Variants in ASCC2 observed in about 807,000 individuals in gnomAD.
The protein encoded by ASCC2 is activating signal cointegrator 1 complex subunit 2.
Under a neutral mutation model 93.5 loss-of-function variants are expected in ASCC2, and 42 were observed. The ratio of observed to expected loss-of-function variants is 0.45; its 90% CI spans 0.35 to 0.58. ASCC2 has a LOEUF of 0.58. Among genes scored for constraint, ASCC2 ranks in the 20% least tolerant of loss-of-function variants. ASCC2 has a pLI of 0.00. For missense variants in ASCC2, 859 were observed against 977.6 expected (o/e 0.88, Z 1.62); for synonymous variants, 364 against 384.2 (o/e 0.95, Z 0.62).
rs1367905414 is a variant in ASCC2 at position 29,790,525 on chromosome 22, A to C, written c.2046T>G (p.Pro682=). 6.2e-7 allele frequency: 1 copy of C among 1,614,024 alleles called. No homozygotes were observed. Among genetic ancestry groups the C allele is most frequent in the Non-Finnish European group, 8.5e-7 (1 of 1,180,026 alleles). ...APKPDHFVQD[P]AVLREKAEAR... ...CTTCTGCCTTCTCTCTCAGCACTGC[A>C]GGGTCCTGAACAAAATGGTCGGGCT... Residue 682 remains proline (P), a synonymous_variant, in exon 19 of 20, where the codon CCT becomes CCG. Coordinates refer to ENST00000307790, the MANE Select transcript of ASCC2 (RefSeq NM_032204.5).
At chr22:29,826,773 T>G (rs1378185940) in intron 2 of ASCC2, among the ~76,000 whole-genome samples, 1 of 152,024 alleles carries the variant, frequency 6.6e-6, no homozygotes, top group Admixed American at 6.6e-5. Flanking sequence ...TGGGTGTCCT[T>G]GCAGACCTCT....
At chr22:29,818,772 A>G (rs994745542) in intron 5 of ASCC2, among the ~76,000 whole-genome samples, 2 of 151,746 alleles carry the variant, frequency 1.3e-5, no homozygotes, top group African/African-American at 2.4e-5. Flanking sequence ...GCCATCTTAC[A>G]CCCAATAGGT....
intron 15 of ASCC2, among the ~76,000 whole-genome samples, chr22:29,794,840 C>T (rs1048693189): frequency 7.9e-5 from 12 of 152,224 alleles, no homozygotes; most frequent in Non-Finnish European, 1.3e-4. Context: ...GCAAACTACG[C>T]TAACTCTGTT....
At position 29,792,457 on chromosome 22, in the gene ASCC2, G is replaced by GTCTTCCTCATCGTCGTCATCCTCC. The variant is rs1569358386; in HGVS notation, c.1974_1997dup (p.Glu658_Glu665dup). 1 of 1,613,910 alleles carries GTCTTCCTCATCGTCGTCATCCTCC rather than the reference G, an allele frequency of 6.2e-7. No homozygotes were observed. The highest frequency in any genetic ancestry group is 1.7e-5 in the Admixed American group (1 of 60,006). On this transcript the variant is annotated inframe_insertion, in exon 18 of 20. Coordinates refer to ENST00000307790, the MANE Select transcript of ASCC2 (RefSeq NM_032204.5). ...CCTTGGGAGCCTCCTCGTCAGCATC[G>GTCTTCCTCATCGTCGTCATCCTCC]TCTTCCTCATCGTCGTCATCCTCCT... is the stretch of plus-strand genomic sequence containing the variant.
At chr22:29,823,045 A>T (rs947902861) in intron 4 of ASCC2, among the ~76,000 whole-genome samples, 104 of 145,906 alleles carry the variant, frequency 7.1e-4, no homozygotes, top group African/African-American at 1.3e-3. Context: ...ATTTTTTTTT[A>T]AATTTTATTT....
chr22:29,798,791 G>T (rs757917592), intron 15 of ASCC2, among the ~76,000 whole-genome samples: 1 of 152,200 alleles, frequency 6.6e-6, no homozygotes, highest in Non-Finnish European at 1.5e-5. Flanking sequence ...GGGCAAGGCC[G>T]GGTATCCAGC....
intron 5 of ASCC2, among the ~76,000 whole-genome samples, chr22:29,820,336 G>A (rs1378733806): frequency 6.6e-6 from 1 of 151,848 alleles, no homozygotes; most frequent in Non-Finnish European, 1.5e-5. Flanking sequence ...CTAATTTTTT[G>A]TATTTTTAGT....
chr22:29,817,834 C>T (rs78106718), intron 5 of ASCC2, among the ~76,000 whole-genome samples: 47 of 152,244 alleles, frequency 3.1e-4, no homozygotes, highest in Non-Finnish European at 5.9e-4. Flanking sequence ...ATAGCAATGG[C>T]ATCCTTTGAA....
At position 29,832,291 on chromosome 22, in the gene ASCC2, G is replaced by A; in HGVS notation, c.35C>T (p.Thr12Ile). 6.2e-7 allele frequency: 1 copy of A among 1,614,088 alleles called. No homozygotes were observed. The highest frequency in any genetic ancestry group is 8.5e-7 in the Non-Finnish European group (1 of 1,179,988). The change falls in exon 2 of 20, where the codon ACC (threonine) becomes ATC (isoleucine). Residue 12 changes from threonine to isoleucine, a missense_variant. By Grantham distance (89) the Thr-to-Ile change is moderately conservative. Transcript: ENST00000307790. Reference sequence around the variant, plus strand: ...CTTTCCTGTCTTCGGGTCCTTGTGGGTGATCTGGAGTTGGTCCAGGGGCAG... The same window carrying A: ...CTTTCCTGTCTTCGGGTCCTTGTGGATGATCTGGAGTTGGTCCAGGGGCAG... ...PALPLDQLQI[T>I]HKDPKTGKLR... is the part of the protein sequence containing the mutation.
At chr22:29,806,670 C>A in intron 10 of ASCC2, 117 bp from the exon 11 acceptor site, 2 of 1,425,532 alleles carry the variant, frequency 1.4e-6, no homozygotes, top group Non-Finnish European at 2.0e-6. Context: ...AGGCATTTTT[C>A]TTGGTTTCTC....
intron 5 of ASCC2, among the ~76,000 whole-genome samples, chr22:29,819,247 G>A (rs909313085): frequency 4.6e-5 from 7 of 151,948 alleles, no homozygotes; most frequent in Admixed American, 1.3e-4. Flanking sequence ...TGCAACCTCC[G>A]CCTCCCAGGT....
chr22:29,806,395 G>T (rs1424507219), intron 11 of ASCC2, 90 bp downstream of exon 11: 2 of 1,565,994 alleles, frequency 1.3e-6, no homozygotes, highest in Non-Finnish European at 1.8e-6. Context: ...TATTAGAGCT[G>T]TGGTGGGCCT....
At chr22:29,822,984 T>C (rs1303539056) in intron 4 of ASCC2, among the ~76,000 whole-genome samples, 1 of 151,888 alleles carries the variant, frequency 6.6e-6, no homozygotes, top group Non-Finnish European at 1.5e-5. Context: ...CCTCCCAAAG[T>C]GCTGGGATTA....
chr22:29,825,775 G>T lies in ASCC2; in HGVS notation c.87C>A (p.Pro29=). ...CAAAATACCGGTCTGCCTTCTGCTC[G>T]GGGTGCTACGGATCCAAAAACCACG... ...GKLRTSPALH[P]EQKADRYFVL... The change falls in exon 3 of 20, where the codon CCC becomes CCA. Residue 29 remains proline, a synonymous_variant. Coordinates refer to ENST00000307790, the MANE Select transcript of ASCC2 (RefSeq NM_032204.5). This position sits in a 1 kb window ranked among gnomAD's most constrained non-coding sequence, Gnocchi z 4.9. The T allele has an allele frequency of 6.2e-7, 1 of 1,604,486 alleles. No individual in the cohort carries two copies. Among genetic ancestry groups the T allele is most frequent in the African/African-American group, 1.3e-5 (1 of 74,828 alleles).
chr22:29,794,291 A>C (rs2058147279), intron 15 of ASCC2, among the ~76,000 whole-genome samples: 1 of 151,970 alleles, frequency 6.6e-6, no homozygotes. Context: ...CAGGAGTTCA[A>C]GACCAGCCTG....
intron 2 of ASCC2, chr22:29,826,097 T>C (rs1602201177): frequency 9.3e-6 from 2 of 215,474 alleles, no homozygotes; most frequent in African/African-American, 2.3e-5. Context: ...GCAAAAGATT[T>C]ATTTGTTATG....
intron 5 of ASCC2, among the ~76,000 whole-genome samples, chr22:29,816,924 A>G (rs113277094): frequency 0.011 from 1,728 of 152,276 alleles, 31 homozygotes; most frequent in African/African-American, 0.037. Context: ...CCCAGCATCT[A>G]AGGCTGGCTG....
intron 15 of ASCC2, among the ~76,000 whole-genome samples, chr22:29,796,696 A>G (rs2058483883): frequency 6.6e-6 from 1 of 152,114 alleles, no homozygotes; most frequent in African/African-American, 2.4e-5. Context: ...AAGCTGAAAA[A>G]GAGGTAGAGA....
intron 7 of ASCC2, among the ~76,000 whole-genome samples, chr22:29,814,094 G>T (rs947091398): frequency 2.6e-5 from 4 of 152,178 alleles, no homozygotes; most frequent in African/African-American, 9.7e-5. Flanking sequence ...CACCTGCCAC[G>T]TGCCCTTCTG....
Sources: gnomAD v4.1 joint callset for allele counts (sites outside exome capture counted in the v4.1 genomes callset) on GRCh38, gnomAD v4.1.1 for gene constraint, Gnocchi (gnomAD v3.1) non-coding constraint, MANE v1.5 for transcripts, NCBI Gene and HGNC (gene_info 2026-07-23, HGNC 2026-07-21) for gene names.